SNX29: variants seen among roughly 807,000 people sequenced by gnomAD.
SNX29 encodes the protein sorting nexin-29.
A neutral mutation model predicts 102.1 loss-of-function variants in SNX29; 78 were observed. The ratio of observed to expected loss-of-function variants is 0.76; its 90% confidence interval spans 0.64 to 0.92. The LOEUF is 0.92. SNX29 is among the 40% of genes least tolerant of loss of function. SNX29 has a pLI of 0.00. For synonymous variants in SNX29, 580 were observed against 414.5 expected (o/e 1.40, Z -4.85); for missense variants, 1,280 against 1,061.7 (o/e 1.21, Z -2.86).
intron 8 of SNX29, among the ~76,000 whole-genome samples, chr16:12,055,235 CTTT>C (rs201288834): frequency 7.2e-6 from 1 of 139,190 alleles, no homozygotes; most frequent in Admixed American, 7.4e-5. Flanking sequence ...TGTTTCCTTT[CTTT>C]TTTTTTTTTT....
In SNX29 at chr16:12,129,749, C is replaced by T. The variant is rs753649815; in HGVS notation, c.1586C>T (p.Ala529Val). ...GAGCGGCAGGGCATGAAGGTCCAGG[C>T]GCTGGCCAGGTAGGAGAGGGTGAGG... is the stretch of plus-strand genomic sequence containing the variant. Reference protein sequence around the residue: ...QEERQGMKVQALARENEVLKV... With the variant: ...QEERQGMKVQVLARENEVLKV... The change falls in exon 13 of 21, where the codon GCG becomes GTG. Residue 529 changes from alanine to valine, a missense_variant. By Grantham distance (64) the Ala-to-Val change is moderately conservative. Transcript: ENST00000566228. 5.6e-6 allele frequency: 9 copies of T among 1,606,858 alleles called. No homozygotes were observed. Among genetic ancestry groups the T allele is most frequent in the South Asian group, 3.3e-5 (3 of 89,770 alleles).
At chr16:12,211,495 G>C (rs1175437460) in intron 14 of SNX29, among the ~76,000 whole-genome samples, 2 of 152,204 alleles carry the variant, frequency 1.3e-5, no homozygotes, top group Non-Finnish European at 2.9e-5. Flanking sequence ...AAGGCTCTGA[G>C]AGGTGGATGT....
chr16:12,503,759 A>G (rs1371755155), intron 19 of SNX29, among the ~76,000 whole-genome samples: 1 of 152,146 alleles, frequency 6.6e-6, no homozygotes, highest in Non-Finnish European at 1.5e-5. Context: ...AGCCTCTGGC[A>G]GGCCCAGACT....
chr16:12,522,521 G>C (rs1319099679), intron 19 of SNX29, among the ~76,000 whole-genome samples: 1 of 152,164 alleles, frequency 6.6e-6, no homozygotes, highest in African/African-American at 2.4e-5. Context: ...TGTTAGAGGT[G>C]GGGCCTGGTG....
intron 10 of SNX29, among the ~76,000 whole-genome samples, chr16:12,077,025 G>A (rs1224757052): frequency 2.0e-5 from 3 of 152,176 alleles, no homozygotes; most frequent in African/African-American, 7.2e-5. Context: ...TGTAATCTCA[G>A]CACTTTGGGA....
intron 6 of SNX29, among the ~76,000 whole-genome samples, chr16:12,047,939 G>A (rs2050153542): frequency 6.6e-6 from 1 of 152,062 alleles, no homozygotes; most frequent in South Asian, 2.1e-4. Context: ...TTACAGGTGT[G>A]AGCCACCGTG....
intron 18 of SNX29, among the ~76,000 whole-genome samples, chr16:12,427,470 A>T (rs1051892882): frequency 6.6e-6 from 1 of 151,970 alleles, no homozygotes; most frequent in Non-Finnish European, 1.5e-5. Flanking sequence ...GTATTTTCTC[A>T]GTTTACCTTG....
At chr16:12,427,814 C>G (rs562684047) in intron 18 of SNX29, among the ~76,000 whole-genome samples, 53 of 152,332 alleles carry the variant, frequency 3.5e-4, no homozygotes, top group African/African-American at 1.2e-3. Flanking sequence ...AAAATGACCC[C>G]ATGACTGGGA....
chr16:12,199,602 G>A lies in SNX29; in HGVS notation c.1597G>A (p.Glu533Lys). ...TTTTTAACATTCTTGTACCTGCAGA[G>A]AGAACGAGGTGCTCAAAGTCCAACT... ...QGMKVQALARENEVLKVQLKK... is the reference protein window; with the variant it reads ...QGMKVQALARKNEVLKVQLKK... Residue 533 changes from glutamate (E) to lysine (K), a missense_variant and splice_region_variant, in exon 14 of 21, where the codon GAG (glutamate) becomes AAG (lysine). Transcript: ENST00000566228. The A allele has an allele frequency of 1.9e-6, 3 of 1,612,092 alleles. No homozygotes were observed. The highest frequency in any genetic ancestry group is 2.5e-6 in the Non-Finnish European group (3 of 1,178,996).
chr16:12,128,288 T>G (rs1285511354), intron 12 of SNX29, among the ~76,000 whole-genome samples: 1 of 152,222 alleles, frequency 6.6e-6, no homozygotes, highest in Non-Finnish European at 1.5e-5. Context: ...TGTCTGTTAC[T>G]TTTTTGTACT....
In SNX29 at chr16:12,572,993, A is replaced by C. The variant is rs1055675323; in HGVS notation, c.*4364A>C. ...TCAAAATATTGTGCATTAATTCATT[A>C]AAGCTACTGTTAAATATTTGCTGTT... On this transcript the variant is annotated 3_prime_UTR_variant, in exon 21 of 21. Coordinates refer to ENST00000566228, the MANE Select transcript of SNX29 (RefSeq NM_032167.5). 2.0e-5 allele frequency: 7 copies of C among 357,796 alleles called. No homozygotes were observed. Among genetic ancestry groups the C allele is most frequent in the South Asian group, 2.5e-4 (2 of 7,988 alleles). The allele number at this position is 357,796 out of a possible 1,614,324, so 22.2% of individuals were successfully genotyped here. A position where few individuals can be genotyped will look rare whatever the true frequency, so the allele number is the denominator to read the frequency against.
At chr16:12,307,222 C>T (rs2080365199) in intron 15 of SNX29, among the ~76,000 whole-genome samples, 3 of 152,208 alleles carry the variant, frequency 2.0e-5, no homozygotes, top group Non-Finnish European at 4.4e-5. Context: ...TCTTGGTCTA[C>T]ATTTTTTCCT....
chr16:12,136,906 A>G (rs1011185287), intron 13 of SNX29, among the ~76,000 whole-genome samples: 4 of 152,010 alleles, frequency 2.6e-5, no homozygotes, highest in African/African-American at 4.8e-5. Flanking sequence ...CGCCTGGCTA[A>G]TTTTTATATT....
intron 4 of SNX29, among the ~76,000 whole-genome samples, chr16:12,031,839 T>A (rs2057354933): frequency 6.8e-6 from 1 of 147,774 alleles, no homozygotes; most frequent in African/African-American, 2.5e-5. Flanking sequence ...AAAAAAAAAA[T>A]TGGTAAAATA....
chr16:12,128,533 A>G (rs1471920037), intron 12 of SNX29, among the ~76,000 whole-genome samples: 1 of 147,124 alleles, frequency 6.8e-6, no homozygotes, highest in African/African-American at 2.5e-5. Flanking sequence ...GCTCACTGCA[A>G]CCTCTGCCTC....
intron 13 of SNX29, among the ~76,000 whole-genome samples, chr16:12,187,238 C>G (rs1243421063): frequency 6.6e-6 from 1 of 152,222 alleles, no homozygotes; most frequent in Non-Finnish European, 1.5e-5. Flanking sequence ...GTTACCTGCA[C>G]TGCCCCTCTA....
chr16:12,573,127 T>A lies in SNX29; in HGVS notation c.*4498T>A, dbSNP rs4780453. On this transcript the variant is annotated 3_prime_UTR_variant, in exon 21 of 21. Transcript: ENST00000566228. ...GTTTTTCTAATACACAATCTTGATC[T>A]TGTTTCCAAAATAAAGCTTCAGCTC... 188,652 of 227,664 alleles carry A rather than the reference T, an allele frequency of 0.83. 78,563 individuals are homozygous for A. The highest frequency in any genetic ancestry group is 0.9 in the African/African-American group (40,660 of 45,114). The allele number at this position is 227,664 out of a possible 1,614,324, so 14.1% of individuals were successfully genotyped here.
chr16:12,002,851 A>G (rs913320943), intron 2 of SNX29, 140 bp from the exon 3 acceptor site: 18 of 835,338 alleles, frequency 2.2e-5, no homozygotes, highest in Admixed American at 9.4e-5. Flanking sequence ...TACCCAGGGG[A>G]CAGGGACGTC....
chr16:12,409,475 C>T (rs1378182440), intron 18 of SNX29, among the ~76,000 whole-genome samples: 1 of 129,362 alleles, frequency 7.7e-6, no homozygotes, highest in Admixed American at 9.4e-5. Flanking sequence ...GTTACCCAGG[C>T]TGGAGTGAAG....
Sources: gnomAD v4.1 joint callset for allele counts (sites outside exome capture counted in the v4.1 genomes callset) on GRCh38, gnomAD v4.1.1 for gene constraint, MANE v1.5 for transcripts, NCBI Gene and HGNC (gene_info 2026-07-23, HGNC 2026-07-21) for gene names.